The following ITGB2 variants were observed in gnomAD, a reference collection of about 807,000 sequenced individuals.
The protein encoded by ITGB2 is integrin beta-2.
Under a neutral mutation model 86.8 loss-of-function variants are expected in ITGB2, and 56 were observed. The observed-to-expected ratio is 0.65, with a 90% CI of 0.52 to 0.81. The LOEUF is 0.81. Ranked by LOEUF, ITGB2 falls within the 30% of genes least tolerant of loss-of-function variation. ITGB2 has a pLI of 0.00. For missense variants in ITGB2, 948 were observed against 1,061.2 expected (o/e 0.89, Z 1.48); for synonymous variants, 457 against 450.4 (o/e 1.01, Z -0.19).
chr21:44,922,610 C>A (rs1455937258), upstream of ITGB2, among the ~76,000 whole-genome samples: 2 of 142,236 alleles, frequency 1.4e-5, no homozygotes, highest in South Asian at 4.5e-4. Context: ...GAGGTTGAGG[C>A]TACGGTGAAC....
intron 11 of ITGB2, among the ~76,000 whole-genome samples, chr21:44,890,753 C>T (rs2083775222): frequency 1.3e-5 from 2 of 152,134 alleles, no homozygotes; most frequent in Admixed American, 6.5e-5. Flanking sequence ...TCCTCAGAGA[C>T]GGCACTGCCA....
At chr21:44,907,196 C>G (rs1463292622) in intron 3 of ITGB2, 101 bp from the exon 4 acceptor site, 8 of 847,594 alleles carry the variant, frequency 9.4e-6, no homozygotes, top group Admixed American at 2.6e-5. Context: ...TCCCCTCCTC[C>G]TCTGCGCCTG....
At chr21:44,892,604 CAAAAAAA>C (rs11327948) in intron 10 of ITGB2, among the ~76,000 whole-genome samples, 6 of 71,152 alleles carry the variant, frequency 8.4e-5, no homozygotes, top group Non-Finnish European at 1.3e-4. Context: ...AACTCCATCT[CAAAAAAA>C]AAAAAAAAAA....
rs1064794297 is a variant in ITGB2 at position 44,886,837 on chromosome 21, C to G, written c.2146G>C (p.Gly716Arg). The change falls in exon 15 of 16, where the codon GGC (glycine) becomes CGC (arginine). Residue 716 changes from glycine to arginine, a missense_variant. By Grantham distance (125) the Gly-to-Arg change is moderately radical. Transcript: ENST00000652462. ...TTCCAGATGACCAGCAGGAGAATGC[C>G]GATCAGCACGATGCCTGCCACGGTG... ...GGTVAGIVLIGILLLVIWKAL... is the reference protein window; with the variant it reads ...GGTVAGIVLIRILLLVIWKAL... 1 of 1,613,710 alleles carries G rather than the reference C, an allele frequency of 6.2e-7. No individual in the cohort carries two copies. Among genetic ancestry groups the G allele is most frequent in the East Asian group, 2.2e-5 (1 of 44,882 alleles).
In ITGB2 at chr21:44,889,229, G is replaced by C. The variant is rs371185123; in HGVS notation, c.1877+47C>G. ...GAGCCCGGCTGCTGGGTAGGTGGCC[G>C]GGGAGTGGGGATCCCTGCCCGCCCT... On this transcript the variant is annotated intron_variant, in intron 13 of 15. Transcript: ENST00000652462. 2.5e-6 allele frequency: 4 copies of C among 1,576,128 alleles called. No individual in the cohort carries two copies. The African/African-American group carries it at 5.4e-5, about 21-fold the overall frequency.
rs775809970 is a variant in ITGB2 at position 44,886,858 on chromosome 21, C to T, written c.2125G>A (p.Val709Met). ...ATGCCGATCAGCACGATGCCTGCCA[C>T]GGTGCCCCCGACGATGGCGGCGATG... Reference protein sequence around the residue: ...PNIAAIVGGTVAGIVLIGILL... With the variant: ...PNIAAIVGGTMAGIVLIGILL... The change falls in exon 15 of 16, where the codon GTG becomes ATG. Residue 709 changes from valine to methionine, a missense_variant. Val to Met is a conservative substitution (Grantham distance 21, BLOSUM62 1). Transcript: ENST00000652462. The T allele has an allele frequency of 9.9e-6, 16 of 1,613,470 alleles. No individual in the cohort carries two copies. Among genetic ancestry groups the T allele is most frequent in the African/African-American group, 2.7e-5 (2 of 74,928 alleles).
At chr21:44,915,564 C>T (rs566487308) in intron 1 of ITGB2, among the ~76,000 whole-genome samples, 22 of 152,322 alleles carry the variant, frequency 1.4e-4, no homozygotes, top group East Asian at 1.3e-3. Flanking sequence ...CCAACCCCTG[C>T]GCTGGGAACT....
rs1969478132 is a variant in ITGB2, at chr21:44,903,302, CA to C, written c.499+62del. ...TGAGTGCGAGGAGTTGTGTGGGCCACAGGCAGGAGTGGCCAGGGTCTGGGAA... is the reference window on the plus strand; with the variant it reads ...TGAGTGCGAGGAGTTGTGTGGGCCACGGCAGGAGTGGCCAGGGTCTGGGAA... On this transcript the variant is annotated intron_variant, in intron 5 of 15. Transcript: ENST00000652462. 2.5e-6 allele frequency: 4 copies of C among 1,599,976 alleles called. No individual in the cohort carries two copies. The South Asian group carries it at 4.4e-5, about 18-fold the overall frequency.
intron 4 of ITGB2, among the ~76,000 whole-genome samples, chr21:44,904,648 T>TACACACACCAAACACACACAC (rs2084015954): frequency 6.7e-6 from 1 of 149,262 alleles, no homozygotes; most frequent in Non-Finnish European, 1.5e-5. Context: ...CGCACACACA[T>TACACACACCAAACACACACAC]ACACACACCA....
intron 5 of ITGB2, among the ~76,000 whole-genome samples, chr21:44,902,418 T>G (rs755175609): frequency 1.3e-5 from 2 of 151,524 alleles, no homozygotes; most frequent in Non-Finnish European, 2.9e-5. Flanking sequence ...TGAGCATACA[T>G]TCGCGTGTGT....
chr21:44,887,645 C>A (rs987453487), intron 14 of ITGB2, among the ~76,000 whole-genome samples: 5 of 152,214 alleles, frequency 3.3e-5, no homozygotes, highest in Admixed American at 3.3e-4. Context: ...CGTGCCCCCT[C>A]CTGCCATCCT....
intron 1 of ITGB2, among the ~76,000 whole-genome samples, chr21:44,914,590 C>T (rs1249155910): frequency 6.6e-6 from 1 of 152,196 alleles, no homozygotes; most frequent in East Asian, 1.9e-4. Flanking sequence ...CACACACACC[C>T]TTTCACAGAA....
chr21:44,896,195 G>C (rs894692469), intron 8 of ITGB2, among the ~76,000 whole-genome samples: 3 of 152,222 alleles, frequency 2.0e-5, no homozygotes, highest in African/African-American at 7.2e-5. Flanking sequence ...GGGTTGGGAG[G>C]ACGTGCATGG....
intron 9 of ITGB2, chr21:44,894,706 A>C: frequency 1.9e-6 from 1 of 513,376 alleles, no homozygotes; most frequent in Non-Finnish European, 3.6e-6. Flanking sequence ...CCCGCAGAGA[A>C]GAGTCTGGAA....
intron 1 of ITGB2, among the ~76,000 whole-genome samples, chr21:44,920,596 C>T (rs1480231902): frequency 1.3e-5 from 2 of 152,186 alleles, no homozygotes; most frequent in Non-Finnish European, 2.9e-5. Context: ...CATCCTCAGC[C>T]GCAAGCGCTC....
intron 1 of ITGB2, among the ~76,000 whole-genome samples, chr21:44,912,525 T>G (rs1601325760): frequency 6.6e-6 from 1 of 152,326 alleles, no homozygotes; most frequent in Admixed American, 6.5e-5. Context: ...GAACCCTTGA[T>G]CCTTCCCGTC....
chr21:44,888,683 GC>G lies in ITGB2; in HGVS notation c.2080+9del. 6.2e-7 allele frequency: 1 copy of G among 1,605,862 alleles called. No individual in the cohort carries two copies. ...TGGAGCCGGTCCCCGCTGCACCCCAGCGGCCTCACCTCGGCTCTCATCCACA... is the reference window on the plus strand; with the variant it reads ...TGGAGCCGGTCCCCGCTGCACCCCAGGGCCTCACCTCGGCTCTCATCCACA... On this transcript the variant is annotated intron_variant, in intron 14 of 15. Transcript: ENST00000652462.
At chr21:44,917,982 C>T (rs766058620) in intron 1 of ITGB2, among the ~76,000 whole-genome samples, 4 of 152,194 alleles carry the variant, frequency 2.6e-5, no homozygotes, top group Admixed American at 6.5e-5. Context: ...GGCTCGGAAT[C>T]GACAAATGCA....
chr21:44,896,286 C>T (rs1301420253), intron 8 of ITGB2, among the ~76,000 whole-genome samples: 4 of 152,210 alleles, frequency 2.6e-5, no homozygotes, highest in African/African-American at 4.8e-5. Context: ...AGTAGCCCCA[C>T]GAGGGTGGAT....
Sources: gnomAD v4.1 joint callset for allele counts (sites outside exome capture counted in the v4.1 genomes callset) on GRCh38, gnomAD v4.1.1 for gene constraint, MANE v1.5 for transcripts, NCBI Gene and HGNC (gene_info 2026-07-23, HGNC 2026-07-21) for gene names.